Variants in NT5DC3 observed in about 807,000 individuals in gnomAD.
NT5DC3 encodes 5'-nucleotidase domain containing 3, also known as 5'-nucleotidase domain-containing protein 3.
Under a neutral mutation model 67.8 loss-of-function variants are expected in NT5DC3, and 42 were observed. The observed-to-expected ratio is 0.62, with a 90% CI of 0.48 to 0.80. NT5DC3 has a LOEUF of 0.80. Ranked by LOEUF, NT5DC3 falls within the 30% of genes least tolerant of loss-of-function variation. The pLI, the probability that NT5DC3 is intolerant of heterozygous loss-of-function variation, is 0.00. For missense variants in NT5DC3, 570 were observed against 696.4 expected (o/e 0.82, Z 2.04); for synonymous variants, 237 against 255.6 (o/e 0.93, Z 0.69).
intron 6 of NT5DC3, among the ~76,000 whole-genome samples, chr12:103,795,969 T>C (rs1886294940): frequency 1.3e-5 from 2 of 152,246 alleles, no homozygotes; most frequent in Non-Finnish European, 1.5e-5. Flanking sequence ...CAAGGACCTG[T>C]TGCACACGGT....
intron 10 of NT5DC3, among the ~76,000 whole-genome samples, chr12:103,788,030 T>C (rs1209170939): frequency 6.6e-6 from 1 of 152,230 alleles, no homozygotes; most frequent in Non-Finnish European, 1.5e-5. Flanking sequence ...GATTGTTATA[T>C]ACCCACCAAG....
intron 10 of NT5DC3, 39 bp from the exon 11 acceptor site, chr12:103,787,566 T>TAG: frequency 8.2e-7 from 1 of 1,213,520 alleles, no homozygotes; most frequent in South Asian, 1.4e-5. Context: ...TTATTACAGA[T>TAG]AGAGATCTGT....
downstream of NT5DC3, among the ~76,000 whole-genome samples, chr12:103,767,166 A>T (rs528171388): frequency 1.1e-4 from 16 of 152,374 alleles, no homozygotes; most frequent in African/African-American, 3.8e-4. Context: ...AAAAGCCAAA[A>T]AAATGGAAAC....
the NT5DC3 span, among the ~76,000 whole-genome samples, chr12:103,753,878 T>G: frequency 6.6e-6 from 1 of 152,130 alleles, no homozygotes; most frequent in Non-Finnish European, 1.5e-5. Flanking sequence ...TAGCTGGGGC[T>G]CTCTCTGGCT....
intron 1 of NT5DC3, among the ~76,000 whole-genome samples, chr12:103,823,131 G>T (rs889745342): frequency 6.6e-6 from 1 of 151,516 alleles, no homozygotes; most frequent in African/African-American, 2.4e-5. Flanking sequence ...TAGATTTCAA[G>T]CTGTTTTTCT....
chr12:103,763,987 C>CT, the NT5DC3 span, among the ~76,000 whole-genome samples: 200 of 147,176 alleles, frequency 1.4e-3, no homozygotes, highest in Middle Eastern at 3.6e-3. Flanking sequence ...TTTAGATGTC[C>CT]TTTTTTTTTT....
At chr12:103,792,071 T>C (rs1566105233) in intron 9 of NT5DC3, among the ~76,000 whole-genome samples, 2 of 152,218 alleles carry the variant, frequency 1.3e-5, no homozygotes, top group Non-Finnish European at 2.9e-5. Context: ...GCTTCTTTCT[T>C]TGGAATCCCA....
intron 1 of NT5DC3, among the ~76,000 whole-genome samples, chr12:103,816,076 A>G (rs549401809): frequency 9.8e-5 from 15 of 152,310 alleles, no homozygotes; most frequent in African/African-American, 3.4e-4. Context: ...ATATTCAATC[A>G]TGATCCTACA....
At chr12:103,758,476 C>G in the NT5DC3 span, among the ~76,000 whole-genome samples, 1 of 152,236 alleles carries the variant, frequency 6.6e-6, no homozygotes, top group Non-Finnish European at 1.5e-5. Flanking sequence ...GTCAGCTGCT[C>G]TAGCTGGGCC....
rs570772789 is a variant in NT5DC3, at chr12:103,821,758, G to A, written c.209-6637C>T. 6 of 152,268 alleles carry A rather than the reference G, an allele frequency of 3.9e-5. No homozygotes were observed. The East Asian group carries it at 7.7e-4, about 20-fold the overall frequency. The allele number at this position is 152,268 out of a possible 1,614,324, so 9.4% of individuals were successfully genotyped here. A position where few individuals can be genotyped will look rare whatever the true frequency, so the allele number is the denominator to read the frequency against. ...AAATTCAGCCACTCAAACTTCTGAC[G>A]ATAAATTTTTAACTTTTTAACCTGG... On this transcript the variant is annotated intron_variant, in intron 1 of 13. Coordinates refer to ENST00000392876, the MANE Select transcript of NT5DC3 (RefSeq NM_001031701.3).
chr12:103,801,234 GGGACACTTTC>G (rs1386775579), intron 4 of NT5DC3, among the ~76,000 whole-genome samples: 1 of 151,916 alleles, frequency 6.6e-6, no homozygotes, highest in African/African-American at 2.4e-5. Flanking sequence ...CCCTTAGAAA[GGGACACTTTC>G]TTCCCACCTT....
chr12:103,786,700 T>TTTTTTTA (rs1885794547), intron 11 of NT5DC3, among the ~76,000 whole-genome samples: 2 of 150,840 alleles, frequency 1.3e-5, no homozygotes, highest in Admixed American at 6.6e-5. Flanking sequence ...TTTTTTTTTT[T>TTTTTTTA]GAGGCAGGGT....
chr12:103,785,845 C>G lies in NT5DC3; in HGVS notation c.1189-370G>C, dbSNP rs76155315. On this transcript the variant is annotated intron_variant, in intron 11 of 13. Transcript: ENST00000392876. Reference sequence around the variant, plus strand: ...CAAAGGTCTTCATTCAATTCATCCACAGACCTGTGTGTGCCAGGCCCTCTG... The same window carrying G: ...CAAAGGTCTTCATTCAATTCATCCAGAGACCTGTGTGTGCCAGGCCCTCTG... 5.6e-3 allele frequency: 2,377 copies of G among 423,766 alleles called. 54 individuals carry two copies. The highest frequency in any genetic ancestry group is 0.047 in the African/African-American group (2,207 of 47,438). 26.3% of individuals were successfully genotyped at this position (423,766 alleles called of 1,614,324 possible).
intron 1 of NT5DC3, among the ~76,000 whole-genome samples, chr12:103,820,359 T>C (rs531616267): frequency 1.9e-4 from 29 of 152,336 alleles, no homozygotes; most frequent in African/African-American, 6.0e-4. Context: ...GTTTTGCTTT[T>C]TTAAGGCCAT....
At chr12:103,805,720 C>A (rs1269368583) in intron 4 of NT5DC3, among the ~76,000 whole-genome samples, 1 of 151,912 alleles carries the variant, frequency 6.6e-6, no homozygotes, top group Non-Finnish European at 1.5e-5. Context: ...GTGGCATGTG[C>A]CTGTAGTCCC....
intron 4 of NT5DC3, among the ~76,000 whole-genome samples, chr12:103,799,772 A>T (rs1417785760): frequency 6.7e-6 from 1 of 149,546 alleles, no homozygotes; most frequent in Admixed American, 6.8e-5. Context: ...CTGCCTCTGG[A>T]ATCTGCAAAT....
intron 1 of NT5DC3, among the ~76,000 whole-genome samples, chr12:103,820,076 A>G (rs1887429525): frequency 6.6e-6 from 1 of 152,184 alleles, no homozygotes; most frequent in South Asian, 2.1e-4. Context: ...GGTGTAGCAT[A>G]TGTCAGCCTC....
downstream of NT5DC3, among the ~76,000 whole-genome samples, chr12:103,767,268 G>C (rs1885022685): frequency 1.3e-5 from 2 of 152,202 alleles, no homozygotes; most frequent in Non-Finnish European, 2.9e-5. Flanking sequence ...ACTGATACAT[G>C]CAATAGTTCA....
In NT5DC3 at chr12:103,775,876, T is replaced by C. The variant is rs1050373963; in HGVS notation, c.*1953A>G. On this transcript the variant is annotated 3_prime_UTR_variant, in exon 14 of 14. Coordinates refer to ENST00000392876, the MANE Select transcript of NT5DC3 (RefSeq NM_001031701.3). ...TTTCTGCCATCTGGCAAGGAGCCCA[T>C]GGAATGCCAGACTTGGATTTCATCA... 35 of 152,228 alleles carry C rather than the reference T, an allele frequency of 2.3e-4. No homozygotes were observed. Among genetic ancestry groups the C allele is most frequent in the African/African-American group, 7.7e-4 (32 of 41,454 alleles). The allele number at this position is 152,228 out of a possible 1,614,324, so 9.4% of individuals were successfully genotyped here. A position where few individuals can be genotyped will look rare whatever the true frequency, so the allele number is the denominator to read the frequency against.
Sources: allele counts gnomAD v4.1 joint callset (sites outside exome capture counted in the v4.1 genomes callset), GRCh38; gene constraint gnomAD v4.1.1; transcripts MANE v1.5; gene names NCBI Gene and HGNC (gene_info 2026-07-23, HGNC 2026-07-21).